Variants in VPS37A observed in about 807,000 individuals in gnomAD.
The protein encoded by VPS37A is vacuolar protein sorting-associated protein 37A.
In VPS37A, 30 loss-of-function variants were observed where a neutral mutation model predicts 49.8. That is an observed-to-expected ratio of 0.60 (90% CI 0.45 to 0.82). The LOEUF (loss-of-function observed/expected upper bound fraction) is 0.82. VPS37A is among the 40% of genes least tolerant of loss of function. The probability of loss-of-function intolerance (pLI) is 0.00; values close to 1 mark genes in which losing one functional copy is unlikely to be tolerated. For missense variants in VPS37A, 593 were observed against 464.4 expected (o/e 1.28, Z -2.55); for synonymous variants, 195 against 160.6 (o/e 1.21, Z -1.62).
At chr8:17,316,268 T>A in the VPS37A span, among the ~76,000 whole-genome samples, 2 of 151,890 alleles carry the variant, frequency 1.3e-5, no homozygotes, top group Non-Finnish European at 2.9e-5. Context: ...ATATATATAT[T>A]TTATAGGTAC....
At chr8:17,279,365 C>A (rs1027904732) in intron 6 of VPS37A, among the ~76,000 whole-genome samples, 38 of 152,082 alleles carry the variant, frequency 2.5e-4, no homozygotes, top group African/African-American at 8.4e-4. Flanking sequence ...CTCTTTTCAG[C>A]TCTGTTTCCC....
intron 1 of VPS37A, chr8:17,247,968 C>CT (rs1811492929): frequency 1.7e-6 from 1 of 576,794 alleles, no homozygotes. Flanking sequence ...CTTTCATAGT[C>CT]TTGTCCCCAC....
intron 6 of VPS37A, among the ~76,000 whole-genome samples, chr8:17,279,393 A>G (rs1484277216): frequency 6.6e-6 from 1 of 152,098 alleles, no homozygotes; most frequent in Non-Finnish European, 1.5e-5. Flanking sequence ...AATACATACA[A>G]TGAAATGACT....
chr8:17,299,698 T>G, downstream of VPS37A: 1 of 856,322 alleles, frequency 1.2e-6, no homozygotes, highest in Non-Finnish European at 1.8e-6. Context: ...CTCTTCAGTA[T>G]CTAAGAAATC....
intron 3 of VPS37A, 117 bp from the exon 4 acceptor site, chr8:17,268,739 T>G (rs1277269283): frequency 2.8e-6 from 2 of 722,812 alleles, no homozygotes; most frequent in Non-Finnish European, 4.5e-6. Context: ...TAATATCCTT[T>G]TTCATTTAAT....
rs1813411095 is a variant in VPS37A at position 17,265,978 on chromosome 8, A to C, written c.197A>C (p.Asn66Thr). 6.2e-7 allele frequency: 1 copy of C among 1,610,898 alleles called. No homozygotes were observed. Among genetic ancestry groups the C allele is most frequent in the Non-Finnish European group, 8.5e-7 (1 of 1,178,294 alleles). The change falls in exon 2 of 12, where the codon AAT becomes ACT. Residue 66 changes from asparagine to threonine, a missense_variant. Asn to Thr is a moderately conservative substitution (Grantham distance 65, BLOSUM62 0). Coordinates refer to ENST00000324849, the MANE Select transcript of VPS37A (RefSeq NM_152415.3). The stretch of plus-strand genomic sequence containing the variant: ...ATAAACAACCTGACAATTAACATTA[A>C]TATGTGAGTAGAATTGTATCCTACT... ...FTINNLTINI[N>T]ILLPPQFPQE...
Position 17,284,474 on chromosome 8 carries a change from G to T in VPS37A, c.971G>T (p.Ser324Ile), listed in dbSNP as rs1271122139. 6.4e-7 allele frequency: 1 copy of T among 1,567,624 alleles called. No homozygotes were observed. Residue 324 changes from serine (S) to isoleucine (I), a missense_variant and splice_region_variant, in exon 10 of 12, where the codon AGC (serine) becomes ATC (isoleucine). Physicochemically the swap from Ser to Ile is moderately radical, Grantham distance 142. Coordinates refer to ENST00000324849, the MANE Select transcript of VPS37A (RefSeq NM_152415.3). ...KMQRQHELSE[S>I]CSASALQARL... ...GTAGTGCCTGATTTTCTTTTTCAGAGCTGTAGTGCAAGTGCCCTTCAGGCA... is the reference window on the plus strand; with the variant it reads ...GTAGTGCCTGATTTTCTTTTTCAGATCTGTAGTGCAAGTGCCCTTCAGGCA...
chr8:17,263,412 A>T (rs1268365293), intron 1 of VPS37A, among the ~76,000 whole-genome samples: 1 of 152,186 alleles, frequency 6.6e-6, no homozygotes, highest in African/African-American at 2.4e-5. Context: ...ATCAAAATGC[A>T]TTTCTAGATT....
chr8:17,303,634 A>G (rs890750011), downstream of VPS37A, among the ~76,000 whole-genome samples: 6 of 139,924 alleles, frequency 4.3e-5, no homozygotes, highest in Non-Finnish European at 6.2e-5. Context: ...TTTGAGATGG[A>G]GTTTTGCTCT....
chr8:17,308,852 T>TG, the VPS37A span, among the ~76,000 whole-genome samples: 1 of 152,216 alleles, frequency 6.6e-6, no homozygotes, highest in Non-Finnish European at 1.5e-5. Context: ...CAGAGACATC[T>TG]GGGACAAACT....
chr8:17,322,933 A>C, the VPS37A span, among the ~76,000 whole-genome samples: 2 of 146,148 alleles, frequency 1.4e-5, no homozygotes, highest in East Asian at 4.2e-4. Flanking sequence ...CCTCCCATCT[A>C]GAGTGGATTG....
At position 17,296,459 on chromosome 8, in the gene VPS37A, C is replaced by G. The variant is rs1816640247; in HGVS notation, c.*1473C>G. The G allele has an allele frequency of 6.6e-6, 1 of 152,068 alleles. No individual in the cohort carries two copies. The highest frequency in any genetic ancestry group is 6.6e-5 in the Admixed American group (1 of 15,264). The allele number at this position is 152,068 out of a possible 1,614,324, so 9.4% of individuals were successfully genotyped here. A position where few individuals can be genotyped will look rare whatever the true frequency, so the allele number is the denominator to read the frequency against. On this transcript the variant is annotated 3_prime_UTR_variant, in exon 12 of 12. Transcript: ENST00000324849. ...GATAGTCTTTTGGGTATTCAGAAAC[C>G]TTTCCTTATACTGCACTGGCCACCA...
chr8:17,305,711 A>G, downstream of VPS37A: 1 of 1,518,560 alleles, frequency 6.6e-7, no homozygotes, highest in East Asian at 2.3e-5. Flanking sequence ...TCAGTCATCA[A>G]AATCTTTAAA....
Position 17,247,119 on chromosome 8 carries a change from G to A in VPS37A, c.-126G>A, listed in dbSNP as rs1277786046. 5 of 1,279,842 alleles carry A rather than the reference G, an allele frequency of 3.9e-6. No individual in the cohort carries two copies. Among genetic ancestry groups the A allele is most frequent in the Non-Finnish European group, 5.4e-6 (5 of 924,686 alleles). 79.3% of individuals were successfully genotyped at this position (1,279,842 alleles called of 1,614,324 possible). ...GGCAGGACAGGCTTAGAGAAGACGC[G>A]GTCCCCAGCGCTTGGGCCACGGACG... On this transcript the variant is annotated 5_prime_UTR_variant, in exon 1 of 12. Coordinates refer to ENST00000324849, the MANE Select transcript of VPS37A (RefSeq NM_152415.3).
the VPS37A span, among the ~76,000 whole-genome samples, chr8:17,325,259 C>G: frequency 2.6e-5 from 4 of 152,112 alleles, no homozygotes; most frequent in Non-Finnish European, 5.9e-5. Flanking sequence ...AGGCATCCAA[C>G]ATGTGACCGT....
At chr8:17,263,082 G>C (rs988041613) in intron 1 of VPS37A, among the ~76,000 whole-genome samples, 8 of 149,716 alleles carry the variant, frequency 5.3e-5, no homozygotes, top group African/African-American at 1.9e-4. Flanking sequence ...AAAAGATATT[G>C]TAAAATAACA....
intron 2 of VPS37A, among the ~76,000 whole-genome samples, chr8:17,267,341 A>G (rs1209191152): frequency 1.3e-5 from 2 of 152,236 alleles, no homozygotes; most frequent in African/African-American, 4.8e-5. Flanking sequence ...GAGACAATTC[A>G]AAGTAAAATA....
At chr8:17,301,977 C>G (rs73208600), downstream of VPS37A, 75,399 of 717,128 alleles carry the variant, frequency 0.11, 4,742 homozygotes, top group South Asian at 0.21. Context: ...GCATTAAATG[C>G]CTAGGTTTGG....
intron 10 of VPS37A, among the ~76,000 whole-genome samples, chr8:17,284,924 G>T (rs1463109726): frequency 6.6e-6 from 1 of 152,136 alleles, no homozygotes; most frequent in Non-Finnish European, 1.5e-5. Context: ...TGTGACTTGA[G>T]ATATAAATGA....
Sources: gnomAD v4.1 joint callset for allele counts (sites outside exome capture counted in the v4.1 genomes callset) on GRCh38, gnomAD v4.1.1 for gene constraint, MANE v1.5 for transcripts, NCBI Gene and HGNC (gene_info 2026-07-23, HGNC 2026-07-21) for gene names.